Variants in OR6N1 observed in about 807,000 individuals in gnomAD.
OR6N1 encodes the protein olfactory receptor family 6 subfamily N member 1, also known as olfactory receptor 6N1.
For synonymous variants in OR6N1, 170 were observed against 150.7 expected, an observed-to-expected ratio of 1.13 and a Z score of -0.94; for missense variants, 394 against 371.7, an observed-to-expected ratio of 1.06 and a Z score of -0.49.
At chr1:158,777,420 C>A in the OR6N1 span, 3 of 1,614,102 alleles carry the variant, frequency 1.9e-6, no homozygotes, top group Non-Finnish European at 2.5e-6. Flanking sequence ...TAGCTGTATA[C>A]CACAACTCCA....
intron 1 of OR6N1, among the ~76,000 whole-genome samples, chr1:158,771,574 T>C (rs1657424292): frequency 6.6e-6 from 1 of 152,240 alleles, no homozygotes; most frequent in African/African-American, 2.4e-5. Flanking sequence ...TCTAGAAAGC[T>C]TTTAGAATAT....
At chr1:158,822,193 T>C in the OR6N1 span, among the ~76,000 whole-genome samples, 1 of 152,210 alleles carries the variant, frequency 6.6e-6, no homozygotes, top group African/African-American at 2.4e-5. Context: ...TTGGGCTCTT[T>C]TTTGGTTCCA....
In OR6N1 at chr1:158,766,189, C is replaced by G. The variant is rs140609081; in HGVS notation, c.494G>C (p.Arg165Pro). The change falls in exon 2 of 2, where the codon CGC becomes CCC. Residue 165 changes from arginine to proline, a missense_variant. Coordinates refer to ENST00000641846, the MANE Select transcript of OR6N1 (RefSeq NM_001005185.2). Reference protein sequence around the residue: ...GPVVEISLISRLPFCGPNRIQ... With the variant: ...GPVVEISLISPLPFCGPNRIQ... ...GCGATTGGGGCCACAGAATGGGAGG[C>G]GTGAAATCAAGGAAATTTCAACTAC... 45 of 1,614,086 alleles carry G rather than the reference C, an allele frequency of 2.8e-5. No individual in the cohort carries two copies. The African/African-American group carries it at 5.9e-4, about 21-fold the overall frequency.
chr1:158,825,702 T>C, the OR6N1 span, among the ~76,000 whole-genome samples: 1 of 152,348 alleles, frequency 6.6e-6, no homozygotes, highest in Non-Finnish European at 1.5e-5. Flanking sequence ...TCAGTCATTG[T>C]GAAAAGTACT....
chr1:158,768,290 A>G (rs983075286), intron 1 of OR6N1, among the ~76,000 whole-genome samples: 1 of 152,148 alleles, frequency 6.6e-6, no homozygotes, highest in African/African-American at 2.4e-5. Context: ...CCAGACTCAT[A>G]TATTTCACTG....
chr1:158,807,657 T>A, the OR6N1 span, among the ~76,000 whole-genome samples: 3 of 152,258 alleles, frequency 2.0e-5, no homozygotes, highest in Non-Finnish European at 4.4e-5. Context: ...TCTGCAACTT[T>A]ATACAAGTTA....
chr1:158,797,644 A>G, the OR6N1 span, among the ~76,000 whole-genome samples: 3 of 152,116 alleles, frequency 2.0e-5, no homozygotes, highest in Non-Finnish European at 4.4e-5. Flanking sequence ...TTGGTAATTA[A>G]TCTTGTTTTG....
chr1:158,813,781 C>A, the OR6N1 span, among the ~76,000 whole-genome samples: 1 of 145,078 alleles, frequency 6.9e-6, no homozygotes, highest in Non-Finnish European at 1.5e-5. Flanking sequence ...CAGCTCCCTG[C>A]AACCTCTTGC....
At chr1:158,823,648 C>CA in the OR6N1 span, among the ~76,000 whole-genome samples, 690 of 144,582 alleles carry the variant, frequency 4.8e-3, no homozygotes, top group South Asian at 0.012. Flanking sequence ...TTATTTATTT[C>CA]AAAAAAAAAA....
At chr1:158,799,150 G>A in the OR6N1 span, among the ~76,000 whole-genome samples, 1 of 152,146 alleles carries the variant, frequency 6.6e-6, no homozygotes, top group Non-Finnish European at 1.5e-5. Context: ...TATTGCTAAA[G>A]TTTTTACCTG....
chr1:158,834,588 T>G, the OR6N1 span, among the ~76,000 whole-genome samples: 1 of 152,162 alleles, frequency 6.6e-6, no homozygotes, highest in Admixed American at 6.5e-5. Context: ...ACTCTGTTAA[T>G]TGTGTCTTTG....
the OR6N1 span, among the ~76,000 whole-genome samples, chr1:158,811,688 G>A: frequency 6.5e-4 from 99 of 152,120 alleles, no homozygotes; most frequent in African/African-American, 2.3e-3. Flanking sequence ...AGGAATCAGA[G>A]GCAAAAAAGA....
the OR6N1 span, among the ~76,000 whole-genome samples, chr1:158,815,925 G>A: frequency 6.6e-6 from 1 of 152,110 alleles, no homozygotes; most frequent in Non-Finnish European, 1.5e-5. Flanking sequence ...GGAGGCCGAG[G>A]TGGGTAGATC....
the OR6N1 span, among the ~76,000 whole-genome samples, chr1:158,800,280 G>C: frequency 3.9e-4 from 60 of 151,934 alleles, 1 homozygote; most frequent in South Asian, 2.5e-3. Flanking sequence ...CCCAACAGTT[G>C]AACCTATCTA....
the OR6N1 span, among the ~76,000 whole-genome samples, chr1:158,827,627 T>A: frequency 5.3e-5 from 8 of 152,074 alleles, no homozygotes; most frequent in Non-Finnish European, 1.2e-4. Flanking sequence ...AGGAGGTGAG[T>A]TAGAACAGTA....
chr1:158,820,321 G>T, the OR6N1 span, among the ~76,000 whole-genome samples: 3 of 152,184 alleles, frequency 2.0e-5, no homozygotes, highest in Non-Finnish European at 4.4e-5. Flanking sequence ...TTGGGGGCCA[G>T]TTTATGGCCA....
At chr1:158,797,058 C>T in the OR6N1 span, among the ~76,000 whole-genome samples, 1 of 152,138 alleles carries the variant, frequency 6.6e-6, no homozygotes, top group East Asian at 1.9e-4. Context: ...AAGAGACTAA[C>T]AGAACATACC....
In OR6N1 at chr1:158,765,807, C is replaced by G. The variant is rs777937253; in HGVS notation, c.876G>C (p.Leu292Phe). Residue 292 changes from leucine to phenylalanine, a missense_variant, in exon 2 of 2, where the codon TTG (leucine) becomes TTC (phenylalanine). Leu to Phe is a conservative substitution (Grantham distance 22). Transcript: ENST00000641846. ...CAGCCTCCTTGATCTCCTTGTTGCGCAAGCTGTAGATGAAGGGGTTGAGGA... is the reference window on the plus strand; with the variant it reads ...CAGCCTCCTTGATCTCCTTGTTGCGGAAGCTGTAGATGAAGGGGTTGAGGA... ...TPFLNPFIYS[L>F]RNKEIKEAVR... is the part of the protein sequence containing the mutation. The G allele has an allele frequency of 1.9e-6, 3 of 1,614,148 alleles. No individual in the cohort carries two copies. Among genetic ancestry groups the G allele is most frequent in the South Asian group, 1.1e-5 (1 of 91,084 alleles).
chr1:158,839,150 CTT>C, the OR6N1 span, among the ~76,000 whole-genome samples: 1 of 151,740 alleles, frequency 6.6e-6, no homozygotes, highest in African/African-American at 2.4e-5. Flanking sequence ...CTTTGTATAC[CTT>C]TTGTTGAAAA....
Sources: allele counts gnomAD v4.1 joint callset (sites outside exome capture counted in the v4.1 genomes callset), GRCh38; gene constraint gnomAD v4.1.1; transcripts MANE v1.5; gene names NCBI Gene and HGNC (gene_info 2026-07-23, HGNC 2026-07-21).